Variants in KIF7 observed in about 807,000 individuals in gnomAD.
KIF7 encodes the protein kinesin-like protein KIF7.
A neutral mutation model predicts 135.7 loss-of-function variants in KIF7; 104 were observed. The observed-to-expected ratio is 0.77, with a 90% CI of 0.65 to 0.90. The LOEUF (loss-of-function observed/expected upper bound fraction) is 0.90. Ranked by LOEUF, KIF7 falls within the 40% of genes least tolerant of loss-of-function variation. The pLI, the probability that KIF7 is intolerant of heterozygous loss-of-function variation, is 0.00. For missense variants in KIF7, 2,005 were observed against 1,839.1 expected (o/e 1.09, Z -1.65); for synonymous variants, 883 against 809.4 (o/e 1.09, Z -1.54).
chr15:89,624,779 G>A (rs750551622), downstream of KIF7: 1 of 1,614,184 alleles, frequency 6.2e-7, no homozygotes, highest in Admixed American at 1.7e-5. Flanking sequence ...GAGGGTGAGG[G>A]GCTAAGGACA....
In KIF7 at chr15:89,648,466, C is replaced by A; in HGVS notation, c.1232G>T (p.Arg411Leu). The part of the protein sequence containing the change: ...AAMRLGAECA[R>L]YRACTDAAYS... ...GGCGGCGTCGGTGCAGGCCCGGTAGCGCGCGCACTCGGCGCCCAGGCGCAT... is the reference window on the plus strand; with the variant it reads ...GGCGGCGTCGGTGCAGGCCCGGTAGAGCGCGCACTCGGCGCCCAGGCGCAT... Residue 411 changes from arginine to leucine, a missense_variant, in exon 5 of 19, where the codon CGC (arginine) becomes CTC (leucine). Coordinates refer to ENST00000394412, the MANE Select transcript of KIF7 (RefSeq NM_198525.3). 4 of 1,056,432 alleles carry A rather than the reference C, an allele frequency of 3.8e-6. No individual in the cohort carries two copies. The highest frequency in any genetic ancestry group is 4.6e-6 in the Non-Finnish European group (4 of 875,476). The allele number at this position is 1,056,432 out of a possible 1,614,324, so 65.4% of individuals were successfully genotyped here.
At chr15:89,630,031 C>T (rs550869113) in intron 16 of KIF7, 2 of 568,992 alleles carry the variant, frequency 3.5e-6, no homozygotes, top group East Asian at 3.0e-5. Context: ...ACTTCCCCTA[C>T]TGAGAGCTAC....
At position 89,645,364 on chromosome 15, in the gene KIF7, C is replaced by T. The variant is rs781476519; in HGVS notation, c.2010G>A (p.Glu670=). The change falls in exon 9 of 19, where the codon GAG becomes GAA. Residue 670 remains glutamate, a synonymous_variant. Transcript: ENST00000394412. ...ERKGPELCLE[E]LDAAIPGSRA... ...TGGACCCTGGAATGGCTGCATCCAA[C>T]TCCTCAAGGCAAAGCTCTGGGCCCT... The T allele has an allele frequency of 2.4e-5, 39 of 1,614,004 alleles. No individual in the cohort carries two copies. Among genetic ancestry groups the T allele is most frequent in the Non-Finnish European group, 3.2e-5 (38 of 1,179,952 alleles).
intron 11 of KIF7, among the ~76,000 whole-genome samples, chr15:89,635,705 T>A (rs1401896610): frequency 6.6e-6 from 1 of 152,176 alleles, no homozygotes; most frequent in African/African-American, 2.4e-5. Flanking sequence ...ATTTGACTGG[T>A]GTACCTGAAA....
Position 89,648,737 on chromosome 15 carries a change from C to A in KIF7, c.961G>T (p.Val321Leu), listed in dbSNP as rs1454043852. Residue 321 changes from valine (V) to leucine (L), a missense_variant, in exon 5 of 19, where the codon GTG becomes TTG. Physicochemically the swap from Val to Leu is conservative, Grantham distance 32. Transcript: ENST00000394412. ...KDSLGGNAKT[V>L]MIACVSPSSS... ...GAAGGGCTGACGCAGGCGATCATCA[C>A]CGTCTTGGCGTTCCCGCCCAGCGAG... 8 of 1,536,184 alleles carry A rather than the reference C, an allele frequency of 5.2e-6. No individual in the cohort carries two copies. Among genetic ancestry groups the A allele is most frequent in the Non-Finnish European group, 7.0e-6 (8 of 1,146,412 alleles).
chr15:89,646,885 A>G lies in KIF7; in HGVS notation c.1733T>C (p.Met578Thr). Reference protein sequence around the residue: ...LGGAHAHVLGMVPPACLPGDE... With the variant: ...LGGAHAHVLGTVPPACLPGDE... Reference sequence around the variant, plus strand: ...TCCAGGGAGGCAGGCAGGCGGCACCATGCCCAGCACATGGGCGTGGGCACC... The same window carrying G: ...TCCAGGGAGGCAGGCAGGCGGCACCGTGCCCAGCACATGGGCGTGGGCACC... Residue 578 changes from methionine (M) to threonine (T), a missense_variant, in exon 7 of 19, where the codon ATG (methionine) becomes ACG (threonine). Coordinates refer to ENST00000394412, the MANE Select transcript of KIF7 (RefSeq NM_198525.3). The G allele has an allele frequency of 6.2e-7, 1 of 1,614,032 alleles. No individual in the cohort carries two copies. The highest frequency in any genetic ancestry group is 8.5e-7 in the Non-Finnish European group (1 of 1,180,002).
In KIF7 at chr15:89,628,383, G is replaced by C. The variant is rs370152166; in HGVS notation, c.*36C>G. 12 of 1,573,266 alleles carry C rather than the reference G, an allele frequency of 7.6e-6. No individual in the cohort carries two copies. The highest frequency in any genetic ancestry group is 1.9e-5 in the Admixed American group (1 of 53,984). ...GGCAGCTGCCCCTTTCAGCAGGCTC[G>C]GAGTCTCCCTCCAAGGCAGGGTCTG... On this transcript the variant is annotated 3_prime_UTR_variant, in exon 19 of 19. Transcript: ENST00000394412.
chr15:89,645,831 G>A lies in KIF7; in HGVS notation c.1922+62C>T, dbSNP rs1341317855. ...AGGAGAGGAGACGGTGCGATCCCCA[G>A]CCTGCCTAGCCCTGGGCCCTGAGCA... On this transcript the variant is annotated intron_variant, in intron 8 of 18. Transcript: ENST00000394412. 91 of 1,584,484 alleles carry A rather than the reference G, an allele frequency of 5.7e-5. 1 individual carries two copies. Among genetic ancestry groups the A allele is most frequent in the Non-Finnish European group, 7.1e-5 (83 of 1,166,282 alleles).
chr15:89,650,947 T>C (rs553119578), intron 2 of KIF7, among the ~76,000 whole-genome samples: 1 of 152,100 alleles, frequency 6.6e-6, no homozygotes, highest in South Asian at 2.1e-4. Context: ...TGTTGTTGTG[T>C]TTTTGAAATG....
intron 17 of KIF7, 63 bp from the exon 18 acceptor site, chr15:89,629,185 GT>G: frequency 2.4e-6 from 3 of 1,241,470 alleles, no homozygotes; most frequent in Non-Finnish European, 1.1e-6. Context: ...GGCCAGGGCT[GT>G]GGGGGTGGGG....
chr15:89,643,950 T>TAAA (rs754982717), intron 10 of KIF7, among the ~76,000 whole-genome samples: 1 of 121,138 alleles, frequency 8.3e-6, no homozygotes. Flanking sequence ...TACAGTTAAG[T>TAAA]AAAAAAAAAA....
rs774073055 is a variant in KIF7, at chr15:89,633,205, G to T, written c.2654C>A (p.Ala885Glu). Residue 885 changes from alanine (A) to glutamate (E), a missense_variant, in exon 13 of 19, where the codon GCG becomes GAG. Ala to Glu is a moderately radical substitution (Grantham distance 107). Transcript: ENST00000394412. ...KILKIKTEEI[A>E]AFQRKRRSGS... ...ACTGCGCCTCTTCCTCTGGAATGCC[G>T]CGATCTCTTCCGTCTTAATCTTCAG... 5.0e-6 allele frequency: 8 copies of T among 1,600,668 alleles called. No individual in the cohort carries two copies. The Admixed American group carries it at 5.1e-5, about 10-fold the overall frequency.
downstream of KIF7, chr15:89,625,853 A>G: frequency 6.5e-7 from 1 of 1,546,216 alleles, no homozygotes; most frequent in African/African-American, 1.4e-5. Flanking sequence ...ACAAGGAGGC[A>G]CTTGGGAGTT....
downstream of KIF7, chr15:89,624,196 G>A (rs1567052996): frequency 8.1e-6 from 13 of 1,614,062 alleles, no homozygotes; most frequent in Middle Eastern, 3.3e-4. Flanking sequence ...AAAAAGACCA[G>A]GGAATTCAAC....
chr15:89,623,545 G>A, downstream of KIF7: 7 of 1,379,518 alleles, frequency 5.1e-6, no homozygotes, highest in African/African-American at 2.9e-5. Context: ...CTCCCATTTG[G>A]TCTTAGAGAT....
chr15:89,626,904 C>T (rs1963538053), downstream of KIF7: 3 of 1,579,860 alleles, frequency 1.9e-6, no homozygotes, highest in Admixed American at 5.5e-5. Flanking sequence ...CAATTTTTTT[C>T]AGTTCGGTCC....
At chr15:89,629,790 G>A (rs1963632495) in intron 16 of KIF7, 1 of 627,834 alleles carries the variant, frequency 1.6e-6, no homozygotes, top group Non-Finnish European at 2.8e-6. Flanking sequence ...TGCTATCTCT[G>A]CCACAAACCC....
At chr15:89,661,936 T>C in the KIF7 span, among the ~76,000 whole-genome samples, 2 of 152,122 alleles carry the variant, frequency 1.3e-5, no homozygotes, top group Non-Finnish European at 2.9e-5. Context: ...GGTTTCACCA[T>C]GTTGGCCAGG....
At chr15:89,653,711 G>A (rs1229685883) in intron 1 of KIF7, among the ~76,000 whole-genome samples, 1 of 152,028 alleles carries the variant, frequency 6.6e-6, no homozygotes, top group African/African-American at 2.4e-5. Flanking sequence ...CAGAGTAGCC[G>A]GGACCACAGA....
Sources: gnomAD v4.1 joint callset for allele counts (sites outside exome capture counted in the v4.1 genomes callset) on GRCh38, gnomAD v4.1.1 for gene constraint, MANE v1.5 for transcripts, NCBI Gene and HGNC (gene_info 2026-07-23, HGNC 2026-07-21) for gene names.